The following LRP5 variants were observed in gnomAD, a reference collection of about 807,000 sequenced individuals.
LRP5 encodes the protein low-density lipoprotein receptor-related protein 5.
LRP5 carries 62 observed loss-of-function variants against 154.1 expected under a neutral mutation model. The observed-to-expected ratio is 0.40, with a 90% CI of 0.33 to 0.50. The LOEUF is 0.50. LRP5 is among the 20% of genes least tolerant of loss of function. The pLI is 0.55. For missense variants in LRP5, 1,915 were observed against 2,336.7 expected, an observed-to-expected ratio of 0.82 and a Z score of 3.72; for synonymous variants, 966 against 1,011.5, an observed-to-expected ratio of 0.96 and a Z score of 0.85.
At position 68,395,224 on chromosome 11, in the gene LRP5, C is replaced by T. The variant is rs934957596; in HGVS notation, c.1584+5172C>T. Among the ~76,000 whole-genome samples the T allele has an allele frequency of 5.3e-5, 8 of 149,854 alleles. No individual in the cohort carries two copies. In the Admixed American group the frequency reaches 5.4e-4, roughly 10 times the overall value. ...GCTGAGGCAGGAGAATTGCTTAAAC[C>T]TGGGAGGCGGAGGTTGCAGTGAGCC... On this transcript the variant is annotated intron_variant, in intron 7 of 22. Transcript: ENST00000294304.
intron 9 of LRP5, 96 bp downstream of exon 9, chr11:68,406,909 T>C: frequency 8.2e-7 from 1 of 1,224,404 alleles, no homozygotes; most frequent in South Asian, 1.3e-5. Context: ...CTTAAAGCAC[T>C]ATCGTATTTA....
At chr11:68,374,616 C>T (rs1405468142) in intron 5 of LRP5, among the ~76,000 whole-genome samples, 1 of 152,136 alleles carries the variant, frequency 6.6e-6, no homozygotes, top group Non-Finnish European at 1.5e-5. Flanking sequence ...GCATAACTAC[C>T]ACACGGTCCA....
At chr11:68,366,126 C>T (rs1185499592) in intron 5 of LRP5, among the ~76,000 whole-genome samples, 7 of 152,072 alleles carry the variant, frequency 4.6e-5, no homozygotes, top group Non-Finnish European at 8.8e-5. Context: ...GGGATGCTCC[C>T]GGGCCTGGGA....
At chr11:68,412,073 C>T (rs937566826) in intron 11 of LRP5, among the ~76,000 whole-genome samples, 5 of 152,188 alleles carry the variant, frequency 3.3e-5, no homozygotes, top group African/African-American at 1.2e-4. Flanking sequence ...TGGGATTGTG[C>T]TGGGAGTGTC....
At chr11:68,378,089 C>T (rs1303828934) in intron 5 of LRP5, among the ~76,000 whole-genome samples, 2 of 152,176 alleles carry the variant, frequency 1.3e-5, no homozygotes, top group African/African-American at 2.4e-5. Context: ...CGGGGCCCTG[C>T]GGCTGGGTGA....
intron 5 of LRP5, among the ~76,000 whole-genome samples, chr11:68,384,522 C>G (rs1366286789): frequency 6.6e-6 from 1 of 152,178 alleles, no homozygotes; most frequent in African/African-American, 2.4e-5. Context: ...TAGACGATGC[C>G]CTAACCTGGG....
the LRP5 span, among the ~76,000 whole-genome samples, chr11:68,305,562 C>T: frequency 9.2e-5 from 14 of 152,168 alleles, no homozygotes; most frequent in Non-Finnish European, 1.0e-4. Flanking sequence ...CCTGCCTCAG[C>T]CTCCTGAGTA....
chr11:68,379,813 T>C (rs2098639308), intron 5 of LRP5, among the ~76,000 whole-genome samples: 1 of 152,178 alleles, frequency 6.6e-6, no homozygotes, highest in Admixed American at 6.6e-5. Context: ...CCTTCCCCTA[T>C]TGTAACTTTC....
chr11:68,441,873 C>A (rs1346261050), intron 21 of LRP5, among the ~76,000 whole-genome samples: 2 of 152,204 alleles, frequency 1.3e-5, no homozygotes, highest in Non-Finnish European at 2.9e-5. Context: ...CTAAAAGAAA[C>A]TCTGCATGAA....
In LRP5 at chr11:68,406,716, A is replaced by G. The variant is rs1287492810; in HGVS notation, c.1994A>G (p.Asn665Ser). The G allele has an allele frequency of 6.2e-6, 10 of 1,613,974 alleles. No homozygotes were observed. In the East Asian group the frequency reaches 1.8e-4, roughly 29 times the overall value. The stretch of plus-strand genomic sequence containing the variant: ...AGGATCTCCCTCGAGACCAATAACA[A>G]CGACGTGGCCATCCCGCTCACGGGC... The part of the protein sequence containing the change: ...IHRISLETNN[N>S]DVAIPLTGVK... Residue 665 changes from asparagine to serine, a missense_variant, in exon 9 of 23, where the codon AAC becomes AGC. Physicochemically the swap from Asn to Ser is conservative, Grantham distance 46 (BLOSUM62 1). This residue lies in a region of LRP5 where 773 missense variants were observed against 1,100.9 expected (regional missense o/e 0.70). Transcript: ENST00000294304.
Position 68,348,071 on chromosome 11 carries a change from G to C in LRP5, c.316G>C (p.Gly106Arg), listed in dbSNP as rs1565335132. ...GAAVQNVVISGLVSPDGLACD... is the reference protein window; with the variant it reads ...GAAVQNVVISRLVSPDGLACD... ...CGCCGTGCAGAACGTGGTCATCTCC[G>C]GCCTGGTCTCTCCCGACGGCCTCGC... is the stretch of plus-strand genomic sequence containing the variant. The change falls in exon 2 of 23, where the codon GGC becomes CGC. Residue 106 changes from glycine to arginine, a missense_variant. By Grantham distance (125) the Gly-to-Arg change is moderately radical. This residue lies in a region of LRP5 where 773 missense variants were observed against 1,100.9 expected (regional missense o/e 0.70). Coordinates refer to ENST00000294304, the MANE Select transcript of LRP5 (RefSeq NM_002335.4). 2 of 1,614,100 alleles carry C rather than the reference G, an allele frequency of 1.2e-6. No individual in the cohort carries two copies. Among genetic ancestry groups the C allele is most frequent in the African/African-American group, 1.3e-5 (1 of 75,042 alleles).
chr11:68,437,384 CAT>C (rs1238946178), intron 19 of LRP5, among the ~76,000 whole-genome samples: 5 of 152,234 alleles, frequency 3.3e-5, no homozygotes, highest in African/African-American at 7.2e-5. Context: ...CATATGCACA[CAT>C]GTCATGTGCA....
At chr11:68,398,045 A>G (rs1360440278) in intron 7 of LRP5, among the ~76,000 whole-genome samples, 2 of 147,226 alleles carry the variant, frequency 1.4e-5, no homozygotes, top group East Asian at 4.0e-4. Context: ...ATCTTTTTTT[A>G]TTACATGAAG....
chr11:68,380,221 C>T (rs557250471), intron 5 of LRP5, among the ~76,000 whole-genome samples: 10 of 152,350 alleles, frequency 6.6e-5, no homozygotes, highest in East Asian at 1.9e-4. Flanking sequence ...AGGCCATGAG[C>T]TCGGAATGCT....
chr11:68,325,899 T>C (rs1286487773), intron 1 of LRP5, among the ~76,000 whole-genome samples: 2 of 152,198 alleles, frequency 1.3e-5, no homozygotes, highest in Non-Finnish European at 2.9e-5. Context: ...AGGGCCTGGC[T>C]CAGTGACGGT....
intron 1 of LRP5, among the ~76,000 whole-genome samples, chr11:68,328,666 G>A (rs1486176278): frequency 6.6e-6 from 1 of 152,220 alleles, no homozygotes; most frequent in African/African-American, 2.4e-5. Flanking sequence ...TGGCTCAGGG[G>A]CACCGCAGTC....
intron 7 of LRP5, among the ~76,000 whole-genome samples, chr11:68,394,620 C>A (rs969306996): frequency 3.9e-5 from 6 of 152,186 alleles, no homozygotes; most frequent in Admixed American, 3.9e-4. Context: ...CGCCTGCCAC[C>A]GCGCCCGGCT....
At position 68,425,235 on chromosome 11, in the gene LRP5, G is replaced by T; in HGVS notation, c.3370G>T (p.Gly1124Cys). 1 of 1,612,564 alleles carries T rather than the reference G, an allele frequency of 6.2e-7. No homozygotes were observed. The highest frequency in any genetic ancestry group is 1.3e-5 in the African/African-American group (1 of 75,046). The stretch of plus-strand genomic sequence containing the variant: ...GGCCCTGGTGGTGGACAACACACTG[G>T]GCAAGCTGTTCTGGGTGGACGCGGA... ...PVALVVDNTL[G>C]KLFWVDADLK... The change falls in exon 15 of 23, where the codon GGC becomes TGC. Residue 1124 changes from glycine to cysteine, a missense_variant. Physicochemically the swap from Gly to Cys is radical, Grantham distance 159 (BLOSUM62 -3). This residue lies in a region of LRP5 where 1,094 missense variants were observed against 1,210.1 expected (regional missense o/e 0.90). Coordinates refer to ENST00000294304, the MANE Select transcript of LRP5 (RefSeq NM_002335.4).
At chr11:68,440,102 A>T in intron 21 of LRP5, 186 bp downstream of exon 21, 1 of 621,118 alleles carries the variant, frequency 1.6e-6, no homozygotes, top group Non-Finnish European at 2.7e-6. Context: ...ATTGTGGATA[A>T]TCTGAAAACT....
Sources: gnomAD v4.1 joint callset for allele counts (sites outside exome capture counted in the v4.1 genomes callset) on GRCh38, gnomAD v4.1.1 for gene constraint, gnomAD v4.1.1 regional missense constraint, MANE v1.5 for transcripts, NCBI Gene and HGNC (gene_info 2026-07-23, HGNC 2026-07-21) for gene names.